The following PTPRT variants were observed in gnomAD, a reference collection of about 807,000 sequenced individuals.
The protein encoded by PTPRT is receptor-type tyrosine-protein phosphatase T.
A neutral mutation model predicts 176.8 loss-of-function variants in PTPRT; 56 were observed. The ratio of observed to expected loss-of-function variants is 0.32; its 90% confidence interval spans 0.26 to 0.40. The LOEUF is 0.40. Among genes scored for constraint, PTPRT ranks in the 10% least tolerant of loss-of-function variants. The pLI is 1.00. For synonymous variants in PTPRT, 783 were observed against 739.0 expected, an observed-to-expected ratio of 1.06 and a Z score of -0.96; for missense variants, 1,540 against 1,908.2, an observed-to-expected ratio of 0.81 and a Z score of 3.60.
At chr20:43,089,876 C>T (rs1569968) in intron 1 of PTPRT, among the ~76,000 whole-genome samples, 2,384 of 152,292 alleles carry the variant, frequency 0.016, 25 homozygotes, top group Admixed American at 0.046. Flanking sequence ...TAACAATCTT[C>T]CAAGAAGGTG....
intron 5 of PTPRT, among the ~76,000 whole-genome samples, chr20:42,764,063 T>A (rs1168413282): frequency 1.3e-5 from 2 of 152,208 alleles, no homozygotes; most frequent in African/African-American, 4.8e-5. Context: ...CTTGTGAGCC[T>A]CCAAATAAGG....
At chr20:42,233,295 T>G (rs2056173462) in intron 15 of PTPRT, among the ~76,000 whole-genome samples, 1 of 152,172 alleles carries the variant, frequency 6.6e-6, no homozygotes, top group Non-Finnish European at 1.5e-5. Context: ...GCATTCTCAC[T>G]GCAATATATC....
chr20:42,690,839 G>A lies in PTPRT; in HGVS notation c.860-12680C>T, dbSNP rs2075781888. Among the ~76,000 whole-genome samples the A allele has an allele frequency of 2.6e-5, 4 of 152,192 alleles. No individual in the cohort carries two copies. In the South Asian group the frequency reaches 8.3e-4, roughly 31 times the overall value. ...CCCTTGTGGCTGAGTTTCTTCCCATGTAAAATCAGGGTCATGGTCATACCT... is the reference window on the plus strand; with the variant it reads ...CCCTTGTGGCTGAGTTTCTTCCCATATAAAATCAGGGTCATGGTCATACCT... On this transcript the variant is annotated intron_variant, in intron 6 of 30. Transcript: ENST00000373187.
intron 23 of PTPRT, among the ~76,000 whole-genome samples, chr20:42,107,867 C>A (rs1005472782): frequency 1.3e-5 from 2 of 152,192 alleles, no homozygotes; most frequent in Non-Finnish European, 2.9e-5. Context: ...CAGGCCAGTG[C>A]GGACCACTAC....
chr20:42,405,506 T>TA (rs1238466874), intron 9 of PTPRT, among the ~76,000 whole-genome samples: 2 of 152,212 alleles, frequency 1.3e-5, no homozygotes, highest in African/African-American at 4.8e-5. Context: ...TCCATGTCCC[T>TA]ACAAAGGACA....
chr20:42,379,295 C>T (rs2058678454), intron 9 of PTPRT, among the ~76,000 whole-genome samples: 1 of 152,228 alleles, frequency 6.6e-6, no homozygotes. Flanking sequence ...AGGAAGATTT[C>T]CCTGAATCTC....
At chr20:42,620,568 G>A (rs1016092006) in intron 7 of PTPRT, among the ~76,000 whole-genome samples, 35 of 151,788 alleles carry the variant, frequency 2.3e-4, no homozygotes, top group Admixed American at 3.9e-4. Context: ...TTTGATCTCA[G>A]ACTGCTGTGC....
At chr20:42,888,824 T>C (rs968891914) in intron 1 of PTPRT, among the ~76,000 whole-genome samples, 13 of 152,162 alleles carry the variant, frequency 8.5e-5, no homozygotes, top group African/African-American at 3.1e-4. Flanking sequence ...CCTCACAAAG[T>C]TTGCAGAATA....
At chr20:42,391,133 G>A (rs577385605) in intron 9 of PTPRT, among the ~76,000 whole-genome samples, 1 of 152,274 alleles carries the variant, frequency 6.6e-6, no homozygotes, top group Admixed American at 6.5e-5. Flanking sequence ...AAAGAGGGAG[G>A]AGCGTGGCTA....
chr20:42,074,593 G>C lies in PTPRT; in HGVS notation c.*6286C>G, dbSNP rs1165185916. Reference sequence around the variant, plus strand: ...CAAGCCCCTAAAACTCTTCCCAATAGATTTTCTTTCATCCTGAGCCCTTGC... The same window carrying C: ...CAAGCCCCTAAAACTCTTCCCAATACATTTTCTTTCATCCTGAGCCCTTGC... On this transcript the variant is annotated 3_prime_UTR_variant, in exon 31 of 31. Coordinates refer to ENST00000373187, the MANE Select transcript of PTPRT (RefSeq NM_007050.6). The C allele has an allele frequency of 2.5e-6, 1 of 393,916 alleles. No homozygotes were observed. Among genetic ancestry groups the C allele is most frequent in the Admixed American group, 4.4e-5 (1 of 22,574 alleles). The allele number at this position is 393,916 out of a possible 1,614,324, so 24.4% of individuals were successfully genotyped here.
At chr20:43,077,586 A>G (rs889883927) in intron 1 of PTPRT, among the ~76,000 whole-genome samples, 13 of 152,216 alleles carry the variant, frequency 8.5e-5, no homozygotes, top group African/African-American at 3.1e-4. Context: ...AGGGTTCAGA[A>G]GACATCAGGA....
intron 7 of PTPRT, among the ~76,000 whole-genome samples, chr20:42,502,595 T>C (rs781123529): frequency 1.3e-5 from 2 of 152,066 alleles, no homozygotes; most frequent in Admixed American, 6.6e-5. Flanking sequence ...CCATATTGGG[T>C]AACTCATTTT....
At chr20:42,823,411 A>ATAGCATTAGGAGAT (rs2077935071) in intron 2 of PTPRT, among the ~76,000 whole-genome samples, 1 of 151,996 alleles carries the variant, frequency 6.6e-6, no homozygotes, top group Non-Finnish European at 1.5e-5. Flanking sequence ...GAGGGGAGGG[A>ATAGCATTAGGAGAT]ACTTAGAGGA....
chr20:43,130,842 T>C (rs1158084144), intron 1 of PTPRT, among the ~76,000 whole-genome samples: 1 of 148,420 alleles, frequency 6.7e-6, no homozygotes, highest in Non-Finnish European at 1.5e-5. Context: ...AAAAAGTATG[T>C]ATGGTACTAA....
intron 16 of PTPRT, among the ~76,000 whole-genome samples, chr20:42,173,351 T>C (rs1035222935): frequency 6.6e-6 from 1 of 152,188 alleles, no homozygotes; most frequent in Non-Finnish European, 1.5e-5. Flanking sequence ...GTGTGTATCC[T>C]GGCAAGCATG....
chr20:42,709,783 A>G (rs1019187280), intron 6 of PTPRT, among the ~76,000 whole-genome samples: 3 of 152,198 alleles, frequency 2.0e-5, no homozygotes, highest in Admixed American at 2.0e-4. Flanking sequence ...AACGTCTTAG[A>G]GACTTGTTAA....
At position 43,080,884 on chromosome 20, in the gene PTPRT, C is replaced by T. The variant is rs374258749; in HGVS notation, c.88+108762G>A. Among the ~76,000 whole-genome samples the T allele has an allele frequency of 2.9e-3, 447 of 152,330 alleles. 2 individuals are homozygous for T. Among genetic ancestry groups the T allele is most frequent in the African/African-American group, 0.01 (430 of 41,564 alleles). The stretch of plus-strand genomic sequence containing the variant: ...GGTCCTTCAGTCATCACATGGATCA[C>T]CTGCCAACCACGGCACCATTCCATG... On this transcript the variant is annotated intron_variant, in intron 1 of 30. Transcript: ENST00000373187.
At chr20:43,005,611 T>C (rs1984812302) in intron 1 of PTPRT, among the ~76,000 whole-genome samples, 1 of 152,220 alleles carries the variant, frequency 6.6e-6, no homozygotes, top group South Asian at 2.1e-4. Context: ...ACTTATTCAC[T>C]GTGTGTCTCC....
At chr20:42,960,866 T>C (rs2146039291) in intron 1 of PTPRT, among the ~76,000 whole-genome samples, 1 of 152,276 alleles carries the variant, frequency 6.6e-6, no homozygotes, top group African/African-American at 2.4e-5. Flanking sequence ...GTATAGCTGT[T>C]CCCATTTGTA....
Sources: gnomAD v4.1 joint callset for allele counts (sites outside exome capture counted in the v4.1 genomes callset) on GRCh38, gnomAD v4.1.1 for gene constraint, MANE v1.5 for transcripts, NCBI Gene and HGNC (gene_info 2026-07-23, HGNC 2026-07-21) for gene names.